Variants in CELSR1 observed in about 807,000 individuals in gnomAD.
CELSR1 encodes the protein cadherin EGF LAG seven-pass G-type receptor 1.
In CELSR1, 110 loss-of-function variants were observed where a neutral mutation model predicts 249.1. That is an observed-to-expected ratio of 0.44 (90% CI 0.38 to 0.52). The LOEUF is 0.52. CELSR1 is among the 20% of genes least tolerant of loss of function. CELSR1 has a pLI of 0.00. For synonymous variants in CELSR1, 2,113 were observed against 1,900.0 expected (o/e 1.11, Z -2.92); for missense variants, 4,109 against 4,296.4 (o/e 0.96, Z 1.22).
intron 17 of CELSR1, among the ~76,000 whole-genome samples, chr22:46,389,743 C>T (rs111661198): frequency 0.015 from 2,263 of 152,212 alleles, 56 homozygotes; most frequent in African/African-American, 0.051. Context: ...TGGTGAAAAC[C>T]CGTCTCTACT....
chr22:46,515,605 G>A (rs908504239), intron 1 of CELSR1, among the ~76,000 whole-genome samples: 5 of 152,148 alleles, frequency 3.3e-5, no homozygotes, highest in Non-Finnish European at 7.4e-5. Context: ...CCAATAGGAC[G>A]GGCCTCAGTC....
intron 1 of CELSR1, among the ~76,000 whole-genome samples, chr22:46,521,374 G>A (rs927770204): frequency 1.3e-5 from 2 of 152,086 alleles, no homozygotes; most frequent in East Asian, 1.9e-4. Context: ...GCATGGTGGC[G>A]GGCACCTGTA....
At chr22:46,493,405 G>A (rs908564267) in intron 1 of CELSR1, among the ~76,000 whole-genome samples, 2 of 152,066 alleles carry the variant, frequency 1.3e-5, no homozygotes, top group African/African-American at 4.8e-5. Context: ...AATTAGCTGG[G>A]TGTGGTGGTG....
chr22:46,380,549 G>T lies in CELSR1; in HGVS notation c.7256+239C>A, dbSNP rs534503533. ...CCTTGAGGGATCTCTCTGTGCGCCTGCACATCTGTATCTCCACGTGCAGGT... is the reference window on the plus strand; with the variant it reads ...CCTTGAGGGATCTCTCTGTGCGCCTTCACATCTGTATCTCCACGTGCAGGT... On this transcript the variant is annotated intron_variant, in intron 22 of 34. Transcript: ENST00000674500. This position sits in a 1 kb window ranked among gnomAD's most constrained non-coding sequence, Gnocchi z 5.1. 6.6e-6 allele frequency among the ~76,000 whole-genome samples: 1 copy of T among 152,242 alleles called. No homozygotes were observed. The highest frequency in any genetic ancestry group is 1.5e-5 in the Non-Finnish European group (1 of 68,036).
chr22:46,522,042 T>C (rs1251531935), intron 1 of CELSR1, among the ~76,000 whole-genome samples: 25 of 152,188 alleles, frequency 1.6e-4, no homozygotes, highest in Admixed American at 1.6e-3. Flanking sequence ...GTCATCCTAA[T>C]GGGTATGAAG....
chr22:46,535,194 C>A lies in CELSR1; in HGVS notation c.1977G>T (p.Ala659=), dbSNP rs759237666. The change falls in exon 1 of 35, where the codon GCG becomes GCT. Residue 659 remains alanine (A), a synonymous_variant. Coordinates refer to ENST00000674500, the MANE Select transcript of CELSR1 (RefSeq NM_001378328.1). ...TCATGGGGGGCGAGCCGTGGTCCAC[C>A]GCCTCCACCCCGAAGCTGTAGTGCT... ...EVEHYSFGVE[A]VDHGSPPMSS... The A allele has an allele frequency of 2.5e-6, 4 of 1,608,850 alleles. No homozygotes were observed. Among genetic ancestry groups the A allele is most frequent in the East Asian group, 2.2e-5 (1 of 44,856 alleles).
At position 46,406,207 on chromosome 22, in the gene CELSR1, T is replaced by C. The variant is rs564127806; in HGVS notation, c.5226+2789A>G. On this transcript the variant is annotated intron_variant, in intron 9 of 34. Transcript: ENST00000674500. The surrounding 1 kb of genome is among the most constrained non-coding windows in gnomAD (Gnocchi z 5.4). ...CAGCCAATTTAATTTGTTCTGACAG[T>C]GAAACCACCACACAGAAAATACCAT... Among the ~76,000 whole-genome samples the C allele has an allele frequency of 6.6e-6, 1 of 152,304 alleles. No homozygotes were observed. Among genetic ancestry groups the C allele is most frequent in the South Asian group, 2.1e-4 (1 of 4,828 alleles).
Position 46,427,394 on chromosome 22 carries a change from G to A in CELSR1, c.4611+5999C>T, listed in dbSNP as rs576676370. Among the ~76,000 whole-genome samples, 20 of 152,294 alleles carry A rather than the reference G, an allele frequency of 1.3e-4. No homozygotes were observed. Among genetic ancestry groups the A allele is most frequent in the African/African-American group, 2.4e-4 (10 of 41,546 alleles). ...TCTACTAAAAGTACAAAAATTAACCGGGTGTGGTGGCGCGCACCTGTAAAC... is the reference window on the plus strand; with the variant it reads ...TCTACTAAAAGTACAAAAATTAACCAGGTGTGGTGGCGCGCACCTGTAAAC... On this transcript the variant is annotated intron_variant, in intron 5 of 34. Coordinates refer to ENST00000674500, the MANE Select transcript of CELSR1 (RefSeq NM_001378328.1). The surrounding 1 kb of genome is among the most constrained non-coding windows in gnomAD (Gnocchi z 4.2).
At chr22:46,513,394 AG>A (rs2080593293) in intron 1 of CELSR1, among the ~76,000 whole-genome samples, 1 of 152,186 alleles carries the variant, frequency 6.6e-6, no homozygotes, top group African/African-American at 2.4e-5. Flanking sequence ...CACTTAAACC[AG>A]CCCACATACC....
chr22:46,530,472 T>C (rs1482337020), intron 1 of CELSR1: 1 of 151,970 alleles, frequency 6.6e-6, no homozygotes, highest in Non-Finnish European at 1.5e-5. Flanking sequence ...AAGGCTTGAG[T>C]TGTCCACTGG....
At chr22:46,456,808 C>T (rs1157272803) in intron 2 of CELSR1, among the ~76,000 whole-genome samples, 1 of 150,668 alleles carries the variant, frequency 6.6e-6, no homozygotes, top group Non-Finnish European at 1.5e-5. Flanking sequence ...TGTTTTTACA[C>T]CAGAAGTTTC....
intron 9 of CELSR1, among the ~76,000 whole-genome samples, chr22:46,400,325 T>A (rs1326804150): frequency 1.3e-5 from 2 of 148,398 alleles, no homozygotes; most frequent in African/African-American, 2.5e-5. Context: ...CGAGACTTGG[T>A]CTCGAGAAAA....
chr22:46,392,652 G>C (rs755266890), intron 14 of CELSR1, among the ~76,000 whole-genome samples: 5 of 152,142 alleles, frequency 3.3e-5, no homozygotes, highest in African/African-American at 4.8e-5. Context: ...AACCTCCAGG[G>C]CTCAAGTGAT....
Position 46,364,168 on chromosome 22 carries a change from C to T in CELSR1, c.8863G>A (p.Ala2955Thr), listed in dbSNP as rs199624773. The change falls in exon 34 of 35, where the codon GCC (alanine) becomes ACC (threonine). Residue 2955 changes from alanine to threonine, a missense_variant. Around this residue, in one of 7 missense-constraint regions of CELSR1, gnomAD observed 1,805 missense variants for 1,831.6 expected, o/e 0.99. Coordinates refer to ENST00000674500, the MANE Select transcript of CELSR1 (RefSeq NM_001378328.1). ...GATGTGGGGCTCTGCTCACAGTCGG[C>T]CAGCTTCTCCCGGAGCCGGCCCTTC... ...TLKGRLREKLADCEQSPTSSR... is the reference protein window; with the variant it reads ...TLKGRLREKLTDCEQSPTSSR... 1.2e-4 allele frequency: 193 copies of T among 1,612,184 alleles called. 1 individual carries two copies. The East Asian group carries it at 4.3e-3, about 36-fold the overall frequency.
At chr22:46,379,260 C>T (rs938266446) in intron 22 of CELSR1, among the ~76,000 whole-genome samples, 1 of 152,156 alleles carries the variant, frequency 6.6e-6, no homozygotes, top group African/African-American at 2.4e-5. Flanking sequence ...TTATGACTCC[C>T]GTTTTACTGA....
chr22:46,499,928 G>T (rs994737756), intron 1 of CELSR1, among the ~76,000 whole-genome samples: 1 of 151,960 alleles, frequency 6.6e-6, no homozygotes, highest in Non-Finnish European at 1.5e-5. Flanking sequence ...TCCAGAACAC[G>T]CCAGGCTCCA....
At chr22:46,452,770 C>A (rs902458881) in intron 2 of CELSR1, among the ~76,000 whole-genome samples, 1 of 152,360 alleles carries the variant, frequency 6.6e-6, no homozygotes, top group Middle Eastern at 3.4e-3. Context: ...CAGGGCCCAG[C>A]CAACACTTCC....
chr22:46,516,355 G>A (rs1660025789), intron 1 of CELSR1, among the ~76,000 whole-genome samples: 1 of 152,014 alleles, frequency 6.6e-6, no homozygotes, highest in Non-Finnish European at 1.5e-5. Context: ...ACTATCGCAA[G>A]GACAAAAAAC....
chr22:46,524,022 A>C (rs561503020), intron 1 of CELSR1, among the ~76,000 whole-genome samples: 2 of 152,312 alleles, frequency 1.3e-5, no homozygotes, highest in South Asian at 4.1e-4. Flanking sequence ...AGTCACTTGC[A>C]CTGAGCTTCC....
Sources: allele counts gnomAD v4.1 joint callset (sites outside exome capture counted in the v4.1 genomes callset), GRCh38; gene constraint gnomAD v4.1.1; regional missense constraint gnomAD v4.1.1; non-coding constraint Gnocchi (gnomAD v3.1); transcripts MANE v1.5; gene names NCBI Gene and HGNC (gene_info 2026-07-23, HGNC 2026-07-21).